The following ANXA13 variants were observed in gnomAD, a reference collection of about 807,000 sequenced individuals.
ANXA13 encodes annexin A13, also known as annexin XIII.
In ANXA13, 36 loss-of-function variants were observed where a neutral mutation model predicts 46.6. The ratio of observed to expected loss-of-function variants is 0.77; its 90% confidence interval spans 0.59 to 1.02. The LOEUF (loss-of-function observed/expected upper bound fraction) is 1.02. Among genes scored for constraint, ANXA13 ranks in the 50% least tolerant of loss-of-function variants. ANXA13 has a pLI of 0.00. For synonymous variants in ANXA13, 163 were observed against 152.9 expected (o/e 1.07, Z -0.49); for missense variants, 417 against 396.5 (o/e 1.05, Z -0.44).
chr8:123,729,781 T>C (rs1018177857), intron 1 of ANXA13, among the ~76,000 whole-genome samples: 3 of 152,202 alleles, frequency 2.0e-5, no homozygotes, highest in African/African-American at 7.2e-5. Flanking sequence ...TAAATGTCTT[T>C]GTTATTTAAG....
rs1350997896 is a variant in ANXA13, at chr8:123,717,987, C to T, written c.16-5234G>A. Among the ~76,000 whole-genome samples, 3 of 152,236 alleles carry T rather than the reference C, an allele frequency of 2.0e-5. No individual in the cohort carries two copies. The East Asian group carries it at 5.8e-4, about 29-fold the overall frequency. Reference sequence around the variant, plus strand: ...ACGCCCAGACTCGCACCCAGGCTCGCTTGCGCCCAGAGAAAGAGTAAAGCC... The same window carrying T: ...ACGCCCAGACTCGCACCCAGGCTCGTTTGCGCCCAGAGAAAGAGTAAAGCC... On this transcript the variant is annotated intron_variant, in intron 1 of 10. Transcript: ENST00000419625.
intron 4 of ANXA13, among the ~76,000 whole-genome samples, chr8:123,697,326 G>T (rs1813358942): frequency 6.6e-6 from 1 of 152,160 alleles, no homozygotes; most frequent in South Asian, 2.1e-4. Context: ...TGCTGAGTGG[G>T]GGAAGTTGTG....
intron 9 of ANXA13, among the ~76,000 whole-genome samples, chr8:123,685,236 A>G (rs983189808): frequency 1.3e-5 from 2 of 152,072 alleles, no homozygotes; most frequent in South Asian, 4.2e-4. Context: ...CAGGTTCCCC[A>G]CGATCTTTTG....
intron 6 of ANXA13, 95 bp downstream of exon 6, chr8:123,695,407 A>C (rs1813310976): frequency 1.1e-6 from 1 of 914,768 alleles, no homozygotes; most frequent in Admixed American, 2.1e-5. Flanking sequence ...ATAAGAAAGA[A>C]ATGTTTATCT....
chr8:123,681,365 G>T lies in ANXA13; in HGVS notation c.832-6C>A. 1.2e-6 allele frequency: 2 copies of T among 1,610,798 alleles called. No individual in the cohort carries two copies. The highest frequency in any genetic ancestry group is 1.7e-6 in the Non-Finnish European group (2 of 1,178,816). On this transcript the variant is annotated splice_region_variant and splice_polypyrimidine_tract_variant and intron_variant, in intron 10 of 10. Coordinates refer to ENST00000419625, the MANE Select transcript of ANXA13 (RefSeq NM_004306.4). ...TTGATCCCCTGAAGGTCCACCTGTA[G>T]AAAAAATAACAGCAATGGAGATAAG...
intron 6 of ANXA13, among the ~76,000 whole-genome samples, chr8:123,694,355 C>T (rs183683195): frequency 5.2e-4 from 79 of 152,242 alleles, no homozygotes; most frequent in African/African-American, 1.9e-3. Context: ...CTGAGTCCAC[C>T]AAAAGGGAGA....
chr8:123,684,562 A>T, intron 10 of ANXA13, 48 bp downstream of exon 10: 1 of 1,324,370 alleles, frequency 7.6e-7, no homozygotes, highest in Non-Finnish European at 1.1e-6. Flanking sequence ...TCAGTGGTGG[A>T]AAAAAGAGAA....
At chr8:123,691,992 C>A (rs1340461555) in intron 8 of ANXA13, among the ~76,000 whole-genome samples, 4 of 152,320 alleles carry the variant, frequency 2.6e-5, no homozygotes, top group South Asian at 2.1e-4. Flanking sequence ...GCTCCAGGAA[C>A]AAGAGACCAG....
intron 3 of ANXA13, among the ~76,000 whole-genome samples, chr8:123,701,315 C>CA (rs1813443079): frequency 6.6e-6 from 1 of 151,958 alleles, no homozygotes; most frequent in Non-Finnish European, 1.5e-5. Flanking sequence ...ACTAAAAACA[C>CA]AAAAATTAGC....
intron 9 of ANXA13, among the ~76,000 whole-genome samples, chr8:123,686,299 T>G (rs570587950): frequency 6.6e-6 from 1 of 151,786 alleles, no homozygotes; most frequent in African/African-American, 2.4e-5. Context: ...ATGGTGAAAC[T>G]CCGTCTCTAC....
chr8:123,697,260 C>T (rs1813356931), intron 4 of ANXA13, among the ~76,000 whole-genome samples: 1 of 152,132 alleles, frequency 6.6e-6, no homozygotes, highest in African/African-American at 2.4e-5. Context: ...AGGTGCTGAC[C>T]GCCCTGGCGT....
chr8:123,735,322 G>T (rs978756862), intron 1 of ANXA13, among the ~76,000 whole-genome samples: 2 of 152,128 alleles, frequency 1.3e-5, no homozygotes, highest in Non-Finnish European at 2.9e-5. Flanking sequence ...TTCTAGTTTT[G>T]TTTGTACATA....
chr8:123,710,993 C>T (rs7836898), intron 2 of ANXA13, among the ~76,000 whole-genome samples: 21,195 of 152,118 alleles, frequency 0.14, 1,639 homozygotes, highest in Admixed American at 0.18. Context: ...CAATTTTTCC[C>T]GTCCTACCTC....
At position 123,680,884 on chromosome 8, in the gene ANXA13, CCTGTACCTTA is replaced by C. The variant is rs1813021892; in HGVS notation, c.*346_*355del. 1 of 180,974 alleles carries C rather than the reference CCTGTACCTTA, an allele frequency of 5.5e-6. No homozygotes were observed. Among genetic ancestry groups the C allele is most frequent in the African/African-American group, 2.3e-5 (1 of 42,626 alleles). The allele number at this position is 180,974 out of a possible 1,614,324, so 11.2% of individuals were successfully genotyped here. A position where few individuals can be genotyped will look rare whatever the true frequency, so the allele number is the denominator to read the frequency against. On this transcript the variant is annotated 3_prime_UTR_variant, in exon 11 of 11. Transcript: ENST00000419625. ...TAATAAATTGTTTAATTTTGTCTTTCCTGTACCTTACTTGTGTGATGCATATCCTTCTAAA... is the reference window on the plus strand; with the variant it reads ...TAATAAATTGTTTAATTTTGTCTTTCCTTGTGTGATGCATATCCTTCTAAA...
chr8:123,706,678 T>TGCCCCCAGAACAA (rs1813546704), intron 2 of ANXA13, among the ~76,000 whole-genome samples: 1 of 152,220 alleles, frequency 6.6e-6, no homozygotes, highest in African/African-American at 2.4e-5. Flanking sequence ...AGAACAACCG[T>TGCCCCCAGAACAA]TCTGAAGTGC....
rs16898801 is a variant in ANXA13, at chr8:123,724,505, C to G, written c.16-11752G>C. On this transcript the variant is annotated intron_variant, in intron 1 of 10. Transcript: ENST00000419625. ...TTAGTCTGAGAAAAATTAGAAACTTCCGCTGTTGATATCCCGGTAAAGGAG... is the reference window on the plus strand; with the variant it reads ...TTAGTCTGAGAAAAATTAGAAACTTGCGCTGTTGATATCCCGGTAAAGGAG... Among the ~76,000 whole-genome samples, 1,333 of 152,278 alleles carry G rather than the reference C, an allele frequency of 8.8e-3. 16 individuals carry two copies. Among genetic ancestry groups the G allele is most frequent in the African/African-American group, 0.031 (1,276 of 41,558 alleles).
At chr8:123,694,189 G>C (rs1179473255) in intron 6 of ANXA13, among the ~76,000 whole-genome samples, 1 of 152,176 alleles carries the variant, frequency 6.6e-6, no homozygotes, top group Non-Finnish European at 1.5e-5. Flanking sequence ...GTGGTGGGCA[G>C]AATTCTAAGA....
chr8:123,686,301 C>T (rs921115778), intron 9 of ANXA13, among the ~76,000 whole-genome samples: 3 of 151,976 alleles, frequency 2.0e-5, no homozygotes, highest in Non-Finnish European at 4.4e-5. Context: ...GGTGAAACTC[C>T]GTCTCTACTA....
intron 1 of ANXA13, among the ~76,000 whole-genome samples, chr8:123,730,560 CACA>C (rs1271736812): frequency 3.9e-5 from 6 of 152,164 alleles, no homozygotes; most frequent in Non-Finnish European, 8.8e-5. Context: ...CATGTCTACT[CACA>C]GCCGCAGAAT....
Sources: gnomAD v4.1 joint callset for allele counts (sites outside exome capture counted in the v4.1 genomes callset) on GRCh38, gnomAD v4.1.1 for gene constraint, MANE v1.5 for transcripts, NCBI Gene and HGNC (gene_info 2026-07-23, HGNC 2026-07-21) for gene names.